CORO1A: variants seen among roughly 807,000 people sequenced by gnomAD.
CORO1A encodes the protein coronin 1A.
In CORO1A, 17 loss-of-function variants were observed where a neutral mutation model predicts 44.1. That is an observed-to-expected ratio of 0.39 (90% confidence interval 0.26 to 0.58). The LOEUF (loss-of-function observed/expected upper bound fraction) is 0.58, where lower values mean the gene tolerates loss of function less well. Among genes scored for constraint, CORO1A ranks in the 20% least tolerant of loss-of-function variants. CORO1A has a pLI of 0.62. For synonymous variants in CORO1A, 271 were observed against 244.2 expected (o/e 1.11, Z -1.02); for missense variants, 415 against 606.5 (o/e 0.68, Z 3.32).
chr16:30,187,693 C>T (rs1211240939), intron 6 of CORO1A, 32 bp from the exon 7 acceptor site: 1 of 1,548,714 alleles, frequency 6.5e-7, no homozygotes, highest in Non-Finnish European at 8.9e-7. Flanking sequence ...CATCCCAGGG[C>T]CTGGGATGTT....
At position 30,188,004 on chromosome 16, in the gene CORO1A, C is replaced by T; in HGVS notation, c.924C>T (p.Ser308=). The change falls in exon 8 of 11, where the codon TCC becomes TCT. Residue 308 remains serine (S), a synonymous_variant. Coordinates refer to ENST00000219150, the MANE Select transcript of CORO1A (RefSeq NM_007074.4). ...TSEAPFLHYL[S]MFSSKESQRG... The stretch of plus-strand genomic sequence containing the variant: ...AGGCCCCTTTCCTGCACTATCTCTC[C>T]ATGTTCAGTTCCAAGGAGTCCCAGC... 1.2e-6 allele frequency: 2 copies of T among 1,614,080 alleles called. No individual in the cohort carries two copies. Among genetic ancestry groups the T allele is most frequent in the Non-Finnish European group, 8.5e-7 (1 of 1,179,990 alleles).
chr16:30,185,102 C>T (rs2073318212), intron 1 of CORO1A, 107 bp from the exon 2 acceptor site: 1 of 1,092,172 alleles, frequency 9.2e-7, no homozygotes, highest in African/African-American at 1.5e-5. Context: ...GGAGATGATG[C>T]TGGGACCTTA....
At chr16:30,187,686 C>G (rs1464019205) in intron 6 of CORO1A, 39 bp from the exon 7 acceptor site, 10 of 1,534,588 alleles carry the variant, frequency 6.5e-6, no homozygotes, top group Non-Finnish European at 9.0e-6. Context: ...AGACCACCAT[C>G]CCAGGGCCTG....
In CORO1A at chr16:30,187,209, G is replaced by T. The variant is rs2073349608; in HGVS notation, c.622G>T (p.Gly208Cys). 2 of 1,612,724 alleles carry T rather than the reference G, an allele frequency of 1.2e-6. No individual in the cohort carries two copies. The highest frequency in any genetic ancestry group is 1.7e-5 in the Admixed American group (1 of 60,002). Residue 208 changes from glycine to cysteine, a missense_variant, in exon 5 of 11, where the codon GGC (glycine) becomes TGC (cysteine). Gly to Cys is a radical substitution (Grantham distance 159, BLOSUM62 -3). Transcript: ENST00000219150. ...CGTGCGCATCATCGAGCCCCGCAAAGGCACTGTCGTAGCTGTGAGTCGCCA... is the reference window on the plus strand; with the variant it reads ...CGTGCGCATCATCGAGCCCCGCAAATGCACTGTCGTAGCTGTGAGTCGCCA... ...KRVRIIEPRKGTVVAEKDRPH... is the reference protein window; with the variant it reads ...KRVRIIEPRKCTVVAEKDRPH...
chr16:30,188,281 G>A (rs1223842371), intron 9 of CORO1A, 32 bp downstream of exon 9: 1 of 1,613,406 alleles, frequency 6.2e-7, no homozygotes, highest in East Asian at 2.2e-5. Flanking sequence ...CTGGGCTCCA[G>A]GCTGGGCACT....
In CORO1A at chr16:30,188,260, C is replaced by G; in HGVS notation, c.1065+11C>G. 1 of 1,613,688 alleles carries G rather than the reference C, an allele frequency of 6.2e-7. No individual in the cohort carries two copies. Among genetic ancestry groups the G allele is most frequent in the Non-Finnish European group, 8.5e-7 (1 of 1,179,692 alleles). ...ACAGTGCCTCGAAAGGTGATGCTCCCCCGCCCCACCCTGGGCTCCAGGCTG... is the reference window on the plus strand; with the variant it reads ...ACAGTGCCTCGAAAGGTGATGCTCCGCCGCCCCACCCTGGGCTCCAGGCTG... On this transcript the variant is annotated intron_variant, in intron 9 of 10. Transcript: ENST00000219150.
At chr16:30,188,318 C>G (rs2073369374) in intron 9 of CORO1A, 43 bp from the exon 10 acceptor site, 2 of 1,612,276 alleles carry the variant, frequency 1.2e-6, no homozygotes, top group South Asian at 2.2e-5. Context: ...GGGGGGTGTC[C>G]TGGCATAAGC....
rs1596920853 is a variant in CORO1A at position 30,187,992 on chromosome 16, G to A, written c.912G>A (p.Leu304=). 7 of 1,614,058 alleles carry A rather than the reference G, an allele frequency of 4.3e-6. No homozygotes were observed. Among genetic ancestry groups the A allele is most frequent in the South Asian group, 2.2e-5 (2 of 91,082 alleles). The change falls in exon 8 of 11, where the codon CTG becomes CTA. Residue 304 remains leucine (L), a synonymous_variant. Coordinates refer to ENST00000219150, the MANE Select transcript of CORO1A (RefSeq NM_007074.4). ...AGATCACTTCCGAGGCCCCTTTCCTGCACTATCTCTCCATGTTCAGTTCCA... is the reference window on the plus strand; with the variant it reads ...AGATCACTTCCGAGGCCCCTTTCCTACACTATCTCTCCATGTTCAGTTCCA... ...YFEITSEAPF[L]HYLSMFSSKE...
In CORO1A at chr16:30,188,100, C is replaced by G. The variant is rs201613058; in HGVS notation, c.1007+13C>G. 6.2e-7 allele frequency: 1 copy of G among 1,613,588 alleles called. No homozygotes were observed. The highest frequency in any genetic ancestry group is 8.5e-7 in the Non-Finnish European group (1 of 1,180,010). On this transcript the variant is annotated intron_variant, in intron 8 of 10. Coordinates refer to ENST00000219150, the MANE Select transcript of CORO1A (RefSeq NM_007074.4). ...GTGAGATCGCCAGGTGACTGACCCC[C>G]GGCCCTGACCGCAGCATGCTCCTTG...
rs529431628 is a variant in CORO1A, at chr16:30,186,892, G to C, written c.398G>C (p.Arg133Pro). The change falls in exon 4 of 11, where the codon CGT (arginine) becomes CCT (proline). Residue 133 changes from arginine (R) to proline (P), a missense_variant. Physicochemically the swap from Arg to Pro is moderately radical, Grantham distance 103. Coordinates refer to ENST00000219150, the MANE Select transcript of CORO1A (RefSeq NM_007074.4). ...GTCACCCTGGAGGGCCACACCAAGC[G>C]TGTGGGCATTGTGGCCTGGCACACC... Reference protein sequence around the residue: ...PVVTLEGHTKRVGIVAWHTTA... With the variant: ...PVVTLEGHTKPVGIVAWHTTA... The C allele has an allele frequency of 6.2e-7, 1 of 1,612,582 alleles. No individual in the cohort carries two copies. Among genetic ancestry groups the C allele is most frequent in the African/African-American group, 1.3e-5 (1 of 75,060 alleles).
At position 30,187,191 on chromosome 16, in the gene CORO1A, A is replaced by G. The variant is rs145989561; in HGVS notation, c.604A>G (p.Ile202Val). 2.5e-6 allele frequency: 4 copies of G among 1,613,412 alleles called. No individual in the cohort carries two copies. In the African/African-American group the frequency reaches 4.0e-5, roughly 16 times the overall value. Residue 202 changes from isoleucine (I) to valine (V), a missense_variant, in exon 5 of 11, where the codon ATC (isoleucine) becomes GTC (valine). Coordinates refer to ENST00000219150, the MANE Select transcript of CORO1A (RefSeq NM_007074.4). ...CTCCTGCCGTGACAAGCGCGTGCGC[A>G]TCATCGAGCCCCGCAAAGGCACTGT... ...CTSCRDKRVR[I>V]IEPRKGTVVA...
chr16:30,187,325 G>A, intron 5 of CORO1A, 57 bp from the exon 6 acceptor site: 1 of 1,606,376 alleles, frequency 6.2e-7, no homozygotes, highest in Non-Finnish European at 8.5e-7. Flanking sequence ...CTCCACCTGG[G>A]ACTGGCCCCG....
At chr16:30,186,550 T>C (rs570411272) in intron 2 of CORO1A, 48 bp from the exon 3 acceptor site, 1 of 1,608,606 alleles carries the variant, frequency 6.2e-7, no homozygotes, top group Admixed American at 1.7e-5. Flanking sequence ...GGAGGTTGGA[T>C]TGGGTTTGGG....
rs2073340380 is a variant in CORO1A at position 30,186,833 on chromosome 16, T to G, written c.339T>G (p.Asp113Glu). ...CTCTGCAGGTGTGGGAGATCCCAGATGGGGGCCTGATGCTGCCCCTGCGGG... is the reference window on the plus strand; with the variant it reads ...CTCTGCAGGTGTGGGAGATCCCAGAGGGGGGCCTGATGCTGCCCCTGCGGG... ...DCTVMVWEIP[D>E]GGLMLPLREP... Residue 113 changes from aspartate (D) to glutamate (E), a missense_variant, in exon 4 of 11, where the codon GAT becomes GAG. By Grantham distance (45) the Asp-to-Glu change is conservative. Around this residue, in one of 2 missense-constraint regions of CORO1A, gnomAD observed 325 missense variants for 521.7 expected, o/e 0.62. Transcript: ENST00000219150. 1 of 1,611,140 alleles carries G rather than the reference T, an allele frequency of 6.2e-7. No individual in the cohort carries two copies. Among genetic ancestry groups the G allele is most frequent in the Non-Finnish European group, 8.5e-7 (1 of 1,179,968 alleles).
At chr16:30,185,140 G>A in intron 1 of CORO1A, 69 bp from the exon 2 acceptor site, 1 of 1,490,876 alleles carries the variant, frequency 6.7e-7, no homozygotes, top group Non-Finnish European at 9.3e-7. Flanking sequence ...TGTCCTGGGG[G>A]AGGTGGGGAC....
In CORO1A at chr16:30,187,435, G is replaced by A. The variant is rs1448513456; in HGVS notation, c.690G>A (p.Ser230=). ...GGCCCGTGCGTGCAGTGTTCGTGTC[G>A]GAGGGGAAGATCCTGACCACGGGCT... ...GTRPVRAVFV[S]EGKILTTGFS... is the part of the protein sequence containing the mutation. The change falls in exon 6 of 11, where the codon TCG becomes TCA. Residue 230 remains serine (S), a synonymous_variant. Coordinates refer to ENST00000219150, the MANE Select transcript of CORO1A (RefSeq NM_007074.4). 10 of 1,610,832 alleles carry A rather than the reference G, an allele frequency of 6.2e-6. No individual in the cohort carries two copies. The highest frequency in any genetic ancestry group is 1.7e-5 in the Admixed American group (1 of 60,028).
chr16:30,186,217 G>A (rs373298804), intron 2 of CORO1A: 20 of 337,558 alleles, frequency 5.9e-5, no homozygotes, highest in African/African-American at 3.4e-4. Flanking sequence ...CTGGGGAGCT[G>A]CCTCCACCCC....
intron 6 of CORO1A, 37 bp from the exon 7 acceptor site, chr16:30,187,688 C>T: frequency 6.5e-7 from 1 of 1,542,664 alleles, no homozygotes; most frequent in Non-Finnish European, 8.9e-7. Context: ...ACCACCATCC[C>T]AGGGCCTGGG....
Position 30,187,995 on chromosome 16 carries a change from C to T in CORO1A, c.915C>T (p.His305=), listed in dbSNP as rs1370362278. The T allele has an allele frequency of 6.2e-7, 1 of 1,614,092 alleles. No individual in the cohort carries two copies. Among genetic ancestry groups the T allele is most frequent in the Admixed American group, 1.7e-5 (1 of 60,010 alleles). ...FEITSEAPFL[H]YLSMFSSKES... ...TCACTTCCGAGGCCCCTTTCCTGCA[C>T]TATCTCTCCATGTTCAGTTCCAAGG... is the stretch of plus-strand genomic sequence containing the variant. The change falls in exon 8 of 11, where the codon CAC becomes CAT. Residue 305 remains histidine, a synonymous_variant. Coordinates refer to ENST00000219150, the MANE Select transcript of CORO1A (RefSeq NM_007074.4).
Sources: gnomAD v4.1 joint callset for allele counts on GRCh38, gnomAD v4.1.1 for gene constraint, gnomAD v4.1.1 regional missense constraint, MANE v1.5 for transcripts, NCBI Gene and HGNC (gene_info 2026-07-23, HGNC 2026-07-21) for gene names.